Variants in SLC30A9 observed in about 807,000 individuals in gnomAD.
SLC30A9 encodes solute carrier family 30 member 9, also known as proton-coupled zinc antiporter SLC30A9, mitochondrial.
SLC30A9 carries 58 observed loss-of-function variants against 87.5 expected under a neutral mutation model. The observed-to-expected ratio is 0.66, with a 90% confidence interval of 0.54 to 0.82. The LOEUF is 0.82. Among genes scored for constraint, SLC30A9 ranks in the 40% least tolerant of loss-of-function variants. The probability of loss-of-function intolerance (pLI) is 0.00; values close to 1 mark genes in which losing one functional copy is unlikely to be tolerated. For synonymous variants in SLC30A9, 234 were observed against 233.0 expected (o/e 1.00, Z -0.04); for missense variants, 557 against 679.1 (o/e 0.82, Z 2.00).
At position 42,086,264 on chromosome 4, in the gene SLC30A9, A is replaced by C. The variant is rs1718922906; in HGVS notation, c.*138A>C. The C allele has an allele frequency of 4.4e-6, 2 of 450,966 alleles. No homozygotes were observed. The highest frequency in any genetic ancestry group is 7.6e-5 in the East Asian group (2 of 26,406). 27.9% of individuals were successfully genotyped at this position (450,966 alleles called of 1,614,324 possible). On this transcript the variant is annotated 3_prime_UTR_variant, in exon 18 of 18. Transcript: ENST00000264451. ...TTTTTTAAGATGAAGGAAATATTTT[A>C]TGTAAAGAGCAACTCAGCAGGACAC...
At chr4:42,018,045 TTAATTA>T (rs1456223575) in intron 2 of SLC30A9, 60 bp from the exon 3 acceptor site, 15 of 862,298 alleles carry the variant, frequency 1.7e-5, no homozygotes, top group Non-Finnish European at 2.8e-5. Flanking sequence ...TTGGCTAATA[TTAATTA>T]AGTTTATAGA....
intron 9 of SLC30A9, among the ~76,000 whole-genome samples, chr4:42,056,508 G>A (rs1450195345): frequency 6.6e-6 from 1 of 152,076 alleles, no homozygotes; most frequent in African/African-American, 2.4e-5. Context: ...GAGAACAGCC[G>A]AGGAAAGACT....
chr4:42,006,370 A>T (rs1485180048), intron 2 of SLC30A9, among the ~76,000 whole-genome samples: 2 of 152,148 alleles, frequency 1.3e-5, no homozygotes, highest in Non-Finnish European at 2.9e-5. Flanking sequence ...TAAGGAAATG[A>T]TACCTCCTTG....
At chr4:42,022,995 TAGAC>T (rs1310684430) in intron 5 of SLC30A9, 65 bp downstream of exon 5, 4 of 909,228 alleles carry the variant, frequency 4.4e-6, no homozygotes, top group Middle Eastern at 2.7e-4. Flanking sequence ...AAATACATTT[TAGAC>T]AGAGTCAGAA....
chr4:42,020,429 TAAGAA>T lies in SLC30A9; in HGVS notation c.352_356del (p.Lys118GlyfsTer10), dbSNP rs1173089564. The T allele has an allele frequency of 1.3e-6, 2 of 1,539,378 alleles. No homozygotes were observed. Among genetic ancestry groups the T allele is most frequent in the Non-Finnish European group, 9.0e-7 (1 of 1,117,026 alleles). On this transcript the variant is annotated frameshift_variant, in exon 4 of 18. Transcript: ENST00000264451. LOFTEE classifies it high-confidence loss of function. ...TTTTTTGTTTAGTTAAAGCAGTCCT[TAAGAA>T]AAGGGAGTATGGCTCAAAGTACACT...
rs1718938151 is a variant in SLC30A9 at position 42,086,780 on chromosome 4, C to G, written c.*654C>G. Reference sequence around the variant, plus strand: ...ACACTCTTTTAGGTCATAGTAGTTGCCATTTTGTAAAATTTCTTTTTTCTT... The same window carrying G: ...ACACTCTTTTAGGTCATAGTAGTTGGCATTTTGTAAAATTTCTTTTTTCTT... On this transcript the variant is annotated 3_prime_UTR_variant, in exon 18 of 18. Coordinates refer to ENST00000264451, the MANE Select transcript of SLC30A9 (RefSeq NM_006345.4). The G allele has an allele frequency of 6.6e-6, 1 of 152,508 alleles. No homozygotes were observed. The highest frequency in any genetic ancestry group is 6.6e-5 in the Admixed American group (1 of 15,260). The allele number at this position is 152,508 out of a possible 1,614,324, so 9.4% of individuals were successfully genotyped here. A position where few individuals can be genotyped will look rare whatever the true frequency, so the allele number is the denominator to read the frequency against.
intron 8 of SLC30A9, among the ~76,000 whole-genome samples, chr4:42,041,732 T>G (rs1287173924): frequency 2.0e-5 from 3 of 152,134 alleles, no homozygotes; most frequent in African/African-American, 7.2e-5. Flanking sequence ...AGACCCTGTC[T>G]TTAAAAAATA....
chr4:42,002,917 CTT>C (rs887277719), intron 2 of SLC30A9, among the ~76,000 whole-genome samples: 45 of 152,262 alleles, frequency 3.0e-4, no homozygotes, highest in African/African-American at 1.1e-3. Context: ...ACTAGCATCT[CTT>C]GTTTTCTGGT....
At chr4:42,009,040 T>A (rs1446469001) in intron 2 of SLC30A9, among the ~76,000 whole-genome samples, 4 of 152,170 alleles carry the variant, frequency 2.6e-5, no homozygotes, top group African/African-American at 9.7e-5. Flanking sequence ...TGAAATAATA[T>A]AATTAAGGGT....
intron 2 of SLC30A9, among the ~76,000 whole-genome samples, chr4:42,005,529 G>T (rs1715164028): frequency 6.6e-6 from 1 of 152,124 alleles, no homozygotes; most frequent in African/African-American, 2.4e-5. Flanking sequence ...TTTTACCTCA[G>T]TGTCCCCTGT....
intron 10 of SLC30A9, among the ~76,000 whole-genome samples, chr4:42,061,111 T>C (rs563784189): frequency 2.0e-5 from 3 of 152,116 alleles, no homozygotes; most frequent in Non-Finnish European, 2.9e-5. Context: ...AAGGTACAAA[T>C]TTTAAATTTT....
At position 42,022,950 on chromosome 4, in the gene SLC30A9, A is replaced by C; in HGVS notation, c.527+20A>C. 1 of 1,408,444 alleles carries C rather than the reference A, an allele frequency of 7.1e-7. No homozygotes were observed. 87.2% of individuals were successfully genotyped at this position (1,408,444 alleles called of 1,614,324 possible). A position where few individuals can be genotyped will look rare whatever the true frequency, so the allele number is the denominator to read the frequency against. The stretch of plus-strand genomic sequence containing the variant: ...AGCAAAGTAAGAACATAGTTCTTTC[A>C]GAATAAAAGTGCAAACCAAATTTTG... On this transcript the variant is annotated intron_variant, in intron 5 of 17. Coordinates refer to ENST00000264451, the MANE Select transcript of SLC30A9 (RefSeq NM_006345.4).
At chr4:42,038,581 A>G (rs1253197135) in intron 7 of SLC30A9, among the ~76,000 whole-genome samples, 1 of 152,238 alleles carries the variant, frequency 6.6e-6, no homozygotes, top group African/African-American at 2.4e-5. Context: ...TTGAGATCAC[A>G]TGGACAAGGT....
At chr4:42,051,999 A>G (rs573959195) in intron 9 of SLC30A9, among the ~76,000 whole-genome samples, 1 of 149,868 alleles carries the variant, frequency 6.7e-6, no homozygotes, top group Non-Finnish European at 1.5e-5. Context: ...TATAAATATG[A>G]TATATATAAA....
chr4:42,038,874 C>A, intron 7 of SLC30A9, 112 bp from the exon 8 acceptor site: 1 of 656,120 alleles, frequency 1.5e-6, no homozygotes, highest in Non-Finnish European at 2.8e-6. Context: ...ATAAGTAAAT[C>A]TAATTCAGAA....
Position 42,084,719 on chromosome 4 carries a change from C to T in SLC30A9, c.1663-1363C>T, listed in dbSNP as rs544850613. On this transcript the variant is annotated intron_variant, in intron 17 of 17. Coordinates refer to ENST00000264451, the MANE Select transcript of SLC30A9 (RefSeq NM_006345.4). ...ATCTCTTGACCTTGTGATCCGCCCG[C>T]CTCGGCCTCCCAGAGTGCTGGGATT... Among the ~76,000 whole-genome samples the T allele has an allele frequency of 1.1e-3, 170 of 152,304 alleles. 1 individual carries two copies. Among genetic ancestry groups the T allele is most frequent in the African/African-American group, 3.9e-3 (163 of 41,556 alleles).
intron 9 of SLC30A9, among the ~76,000 whole-genome samples, chr4:42,053,861 G>A (rs957365333): frequency 1.3e-5 from 2 of 152,042 alleles, no homozygotes; most frequent in Admixed American, 6.6e-5. Context: ...AGGGAATGAA[G>A]TACTTTTCTG....
At position 42,090,323 on chromosome 4, in the gene SLC30A9, T is replaced by G. The variant is rs2153142167; in HGVS notation, c.*4197T>G. 6.6e-6 allele frequency: 1 copy of G among 152,326 alleles called. No homozygotes were observed. Among genetic ancestry groups the G allele is most frequent in the East Asian group, 1.9e-4 (1 of 5,184 alleles). 9.4% of individuals were successfully genotyped at this position (152,326 alleles called of 1,614,324 possible). ...TGTAAGTTTACTTGCATCCTTAGAC[T>G]TGGCTTTATGCAAAAAGAAAATTTT... On this transcript the variant is annotated 3_prime_UTR_variant, in exon 18 of 18. Transcript: ENST00000264451.
At chr4:42,073,009 TCAC>T (rs1560560152) in intron 15 of SLC30A9, among the ~76,000 whole-genome samples, 2 of 151,876 alleles carry the variant, frequency 1.3e-5, no homozygotes, top group African/African-American at 4.9e-5. Context: ...AGACGAGGTT[TCAC>T]CACTGGCCAT....
Sources: allele counts gnomAD v4.1 joint callset (sites outside exome capture counted in the v4.1 genomes callset), GRCh38; gene constraint gnomAD v4.1.1; transcripts MANE v1.5; gene names NCBI Gene and HGNC (gene_info 2026-07-23, HGNC 2026-07-21).